The following SLC5A4 variants were observed in gnomAD, a reference collection of about 807,000 sequenced individuals.
The protein encoded by SLC5A4 is solute carrier family 5 member 4, also known as probable glucose sensor protein SLC5A4.
SLC5A4 carries 55 observed loss-of-function variants against 70.3 expected under a neutral mutation model. The ratio of observed to expected loss-of-function variants is 0.78; its 90% CI spans 0.63 to 0.98. The LOEUF (loss-of-function observed/expected upper bound fraction) is 0.98, where lower values mean the gene tolerates loss of function less well. SLC5A4 is among the 50% of genes least tolerant of loss of function. The probability of loss-of-function intolerance (pLI) is 0.00; values close to 1 mark genes in which losing one functional copy is unlikely to be tolerated. For missense variants in SLC5A4, 735 were observed against 839.2 expected (o/e 0.88, Z 1.53); for synonymous variants, 268 against 305.7 (o/e 0.88, Z 1.29).
chr22:32,335,984 C>T, the SLC5A4 span, among the ~76,000 whole-genome samples: 1 of 152,198 alleles, frequency 6.6e-6, no homozygotes, highest in Non-Finnish European at 1.5e-5. Context: ...AGCATCTATT[C>T]TTGGAAGCAG....
chr22:32,348,038 G>A, the SLC5A4 span, among the ~76,000 whole-genome samples: 1 of 152,240 alleles, frequency 6.6e-6, no homozygotes, highest in African/African-American at 2.4e-5. Flanking sequence ...TACTTCACAT[G>A]GGGATAATAA....
At chr22:32,270,940 C>G in the SLC5A4 span, 1 of 562,436 alleles carries the variant, frequency 1.8e-6, no homozygotes, top group African/African-American at 1.8e-5. Flanking sequence ...CCACTGAGAG[C>G]TGCCTGAGCG....
chr22:32,219,332 T>C (rs1226499289), intron 14 of SLC5A4, among the ~76,000 whole-genome samples: 1 of 152,058 alleles, frequency 6.6e-6, no homozygotes, highest in East Asian at 1.9e-4. Flanking sequence ...ACAAAATCTA[T>C]CCCCAGCTTA....
At chr22:32,348,148 A>G in the SLC5A4 span, among the ~76,000 whole-genome samples, 1 of 152,170 alleles carries the variant, frequency 6.6e-6, no homozygotes, top group Non-Finnish European at 1.5e-5. Flanking sequence ...GAGCTCCTGG[A>G]GGACAGGGAG....
At chr22:32,305,844 C>G in the SLC5A4 span, among the ~76,000 whole-genome samples, 1 of 151,646 alleles carries the variant, frequency 6.6e-6, no homozygotes, top group Non-Finnish European at 1.5e-5. Context: ...CCCCCCACCC[C>G]CCACGTGCTT....
At chr22:32,354,326 T>C in the SLC5A4 span, among the ~76,000 whole-genome samples, 1 of 149,360 alleles carries the variant, frequency 6.7e-6, no homozygotes, top group African/African-American at 2.5e-5. Context: ...CACCCTGTAA[T>C]GAGCCTAACC....
the SLC5A4 span, chr22:32,354,992 G>A: frequency 1.3e-5 from 2 of 152,252 alleles, no homozygotes; most frequent in Admixed American, 6.5e-5. Context: ...CTCAGGAAGT[G>A]ACTCGTTTTC....
the SLC5A4 span, among the ~76,000 whole-genome samples, chr22:32,289,642 A>T: frequency 1.3e-5 from 2 of 152,174 alleles, no homozygotes; most frequent in African/African-American, 4.8e-5. Flanking sequence ...CCTTGTGAAG[A>T]GGTGCCTTCT....
the SLC5A4 span, chr22:32,271,140 G>T: frequency 3.0e-6 from 2 of 659,336 alleles, no homozygotes; most frequent in Non-Finnish European, 5.6e-6. Context: ...TCCAGACAGA[G>T]CCCATCCACT....
At chr22:32,271,614 G>C in the SLC5A4 span, 1 of 669,328 alleles carries the variant, frequency 1.5e-6, no homozygotes, top group Non-Finnish European at 2.8e-6. Context: ...GACATTTATG[G>C]CTACTCAGGA....
rs562637744 is a variant in SLC5A4 at position 32,251,989 on chromosome 22, G to A, written c.208-115C>T. On this transcript the variant is annotated intron_variant, in intron 2 of 14. Transcript: ENST00000266086. ...TCACGCCTGTAATCCCAGCACTTTG[G>A]GAGGCTGAGGCGGGTGGATCACAAG... 2.9e-5 allele frequency: 20 copies of A among 694,386 alleles called. No individual in the cohort carries two copies. The African/African-American group carries it at 3.4e-4, about 12-fold the overall frequency. The allele number at this position is 694,386 out of a possible 1,614,324, so 43.0% of individuals were successfully genotyped here.
At chr22:32,331,136 C>CTCTTG in the SLC5A4 span, among the ~76,000 whole-genome samples, 1 of 35,440 alleles carries the variant, frequency 2.8e-5, no homozygotes, top group Non-Finnish European at 5.6e-5. Flanking sequence ...TCTGGTGTGT[C>CTCTTG]TGTGTGTTGG....
chr22:32,300,043 C>T, the SLC5A4 span, among the ~76,000 whole-genome samples: 8 of 146,008 alleles, frequency 5.5e-5, no homozygotes, highest in East Asian at 1.0e-3. Flanking sequence ...CTGGGAGAAC[C>T]ACTGCTCTCT....
At chr22:32,342,899 A>G in the SLC5A4 span, 1 of 152,218 alleles carries the variant, frequency 6.6e-6, no homozygotes, top group Non-Finnish European at 1.5e-5. Context: ...GACAACTGCT[A>G]TTTCCAAGTT....
chr22:32,253,040 A>C (rs1327562172), intron 2 of SLC5A4, among the ~76,000 whole-genome samples: 2 of 152,200 alleles, frequency 1.3e-5, no homozygotes, highest in Non-Finnish European at 2.9e-5. Context: ...ATGTTTCACT[A>C]AACAGTCCTA....
chr22:32,300,802 T>C, the SLC5A4 span, among the ~76,000 whole-genome samples: 1 of 152,244 alleles, frequency 6.6e-6, no homozygotes, highest in Non-Finnish European at 1.5e-5. Context: ...CATTCTCCAG[T>C]TGAAGTACAT....
Position 32,235,078 on chromosome 22 carries a change from C to A in SLC5A4, c.680G>T (p.Gly227Val). Residue 227 changes from glycine (G) to valine (V), a missense_variant, in exon 8 of 15, where the codon GGA becomes GTA. Physicochemically the swap from Gly to Val is moderately radical, Grantham distance 109. Transcript: ENST00000266086. ...CTTCTCGGTAAAGCTCTCATAACCTCCAACTTCGTTAAATGCTAAAAAGGC... is the reference window on the plus strand; with the variant it reads ...CTTCTCGGTAAAGCTCTCATAACCTACAACTTCGTTAAATGCTAAAAAGGC... ...ILMGFAFNEV[G>V]GYESFTEKYV... 1 of 1,612,828 alleles carries A rather than the reference C, an allele frequency of 6.2e-7. No individual in the cohort carries two copies. Among genetic ancestry groups the A allele is most frequent in the Non-Finnish European group, 8.5e-7 (1 of 1,179,330 alleles).
the SLC5A4 span, among the ~76,000 whole-genome samples, chr22:32,293,185 T>C: frequency 2.6e-5 from 4 of 152,316 alleles, no homozygotes; most frequent in Middle Eastern, 3.4e-3. Context: ...TGTAAATGTC[T>C]TTTATAAATA....
At chr22:32,314,492 A>AC in the SLC5A4 span, among the ~76,000 whole-genome samples, 1 of 152,184 alleles carries the variant, frequency 6.6e-6, no homozygotes, top group Non-Finnish European at 1.5e-5. Context: ...CAACAGAAAA[A>AC]CATGTTGAAC....
Sources: gnomAD v4.1 joint callset for allele counts (sites outside exome capture counted in the v4.1 genomes callset) on GRCh38, gnomAD v4.1.1 for gene constraint, MANE v1.5 for transcripts, NCBI Gene and HGNC (gene_info 2026-07-23, HGNC 2026-07-21) for gene names.